PTPRD: variants seen among roughly 807,000 people sequenced by gnomAD.
PTPRD encodes the protein protein tyrosine phosphatase receptor type D.
A neutral mutation model predicts 214.5 loss-of-function variants in PTPRD; 34 were observed. The observed-to-expected ratio is 0.16, with a 90% confidence interval of 0.12 to 0.21. The LOEUF (loss-of-function observed/expected upper bound fraction) is 0.21, where lower values mean the gene tolerates loss of function less well. Among genes scored for constraint, PTPRD ranks in the 10% least tolerant of loss-of-function variants. The pLI, the probability that PTPRD is intolerant of heterozygous loss-of-function variation, is 1.00. For missense variants in PTPRD, 2,545 were observed against 2,398.7 expected (o/e 1.06, Z -1.27); for synonymous variants, 1,128 against 845.7 (o/e 1.33, Z -5.79).
chr9:9,704,831 C>T (rs2097569040), intron 7 of PTPRD, among the ~76,000 whole-genome samples: 2 of 152,176 alleles, frequency 1.3e-5, no homozygotes. Context: ...TTATAGATTC[C>T]AAACGAGTCA....
At position 9,399,492 on chromosome 9, in the gene PTPRD, T is replaced by C. The variant is rs551916861; in HGVS notation, c.-236-2010A>G. Among the ~76,000 whole-genome samples the C allele has an allele frequency of 8.2e-4, 125 of 152,132 alleles. 1 individual carries two copies. Among genetic ancestry groups the C allele is most frequent in the African/African-American group, 2.8e-3 (118 of 41,528 alleles). On this transcript the variant is annotated intron_variant, in intron 8 of 45. Coordinates refer to ENST00000381196, the MANE Select transcript of PTPRD (RefSeq NM_002839.4). The stretch of plus-strand genomic sequence containing the variant: ...TTAAAATGTGCTGGTAAGTCTAGAT[T>C]ATTATTGGACATTTTCCCCTCCAAA...
intron 5 of PTPRD, among the ~76,000 whole-genome samples, chr9:9,832,532 C>T (rs546313926): frequency 2.0e-5 from 3 of 152,022 alleles, no homozygotes; most frequent in East Asian, 1.9e-4. Context: ...CTCCCTCATC[C>T]GACAAAAATG....
At chr9:8,419,234 T>TAAAAAA (rs367987989) in intron 35 of PTPRD, among the ~76,000 whole-genome samples, 4 of 99,620 alleles carry the variant, frequency 4.0e-5, no homozygotes, top group African/African-American at 7.3e-5. Flanking sequence ...TCCAAAAAAT[T>TAAAAAA]AAAAAAAAAA....
intron 5 of PTPRD, among the ~76,000 whole-genome samples, chr9:9,879,769 G>C (rs58401393): frequency 0.028 from 4,212 of 152,208 alleles, 184 homozygotes; most frequent in African/African-American, 0.096. Context: ...GCTTGAAAGG[G>C]TGGAACATTT....
intron 2 of PTPRD, among the ~76,000 whole-genome samples, chr9:10,383,676 C>A: frequency 6.6e-6 from 1 of 151,742 alleles, no homozygotes; most frequent in East Asian, 1.9e-4. Flanking sequence ...TGCACCATTT[C>A]TAAGTAATAA....
chr9:8,908,358 A>G (rs1479551400), intron 11 of PTPRD, among the ~76,000 whole-genome samples: 1 of 152,208 alleles, frequency 6.6e-6, no homozygotes, highest in Non-Finnish European at 1.5e-5. Context: ...AGGAGAAAAT[A>G]AAGTTATTAA....
At chr9:9,526,415 G>T (rs1417373313) in intron 8 of PTPRD, among the ~76,000 whole-genome samples, 30 of 152,070 alleles carry the variant, frequency 2.0e-4, no homozygotes. Flanking sequence ...TTCCAAAGGG[G>T]TTGCACCATG....
intron 9 of PTPRD, among the ~76,000 whole-genome samples, chr9:9,338,424 AT>A (rs1221698794): frequency 6.6e-6 from 1 of 152,214 alleles, no homozygotes; most frequent in Non-Finnish European, 1.5e-5. Flanking sequence ...GAACGAAACT[AT>A]TTTAGAATTT....
At chr9:9,177,881 C>A (rs1484221591) in intron 10 of PTPRD, among the ~76,000 whole-genome samples, 5 of 152,100 alleles carry the variant, frequency 3.3e-5, no homozygotes, top group Admixed American at 1.3e-4. Context: ...TGAAGAGATG[C>A]ACATGCCTAT....
chr9:8,498,018 G>T (rs1165310341), intron 25 of PTPRD, among the ~76,000 whole-genome samples: 1 of 152,046 alleles, frequency 6.6e-6, no homozygotes, highest in Admixed American at 6.6e-5. Flanking sequence ...CTTTTTATAG[G>T]CACTACATAA....
At chr9:9,463,101 CT>C (rs1413048597) in intron 8 of PTPRD, among the ~76,000 whole-genome samples, 2 of 152,032 alleles carry the variant, frequency 1.3e-5, no homozygotes, top group African/African-American at 4.8e-5. Flanking sequence ...GAACAAAAGC[CT>C]TTGTGGCCTC....
intron 3 of PTPRD, among the ~76,000 whole-genome samples, chr9:10,136,371 G>A (rs577892495): frequency 7.9e-5 from 12 of 152,116 alleles, no homozygotes; most frequent in African/African-American, 2.4e-4. Context: ...CTCGACACTT[G>A]ACGAATTGTT....
intron 11 of PTPRD, among the ~76,000 whole-genome samples, chr9:8,993,728 G>T (rs2099386315): frequency 6.6e-6 from 1 of 152,028 alleles, no homozygotes; most frequent in Non-Finnish European, 1.5e-5. Flanking sequence ...CTTTATTCAT[G>T]CAAGTCCTGA....
intron 5 of PTPRD, among the ~76,000 whole-genome samples, chr9:9,911,288 A>C (rs567479963): frequency 6.6e-6 from 1 of 152,230 alleles, no homozygotes; most frequent in Admixed American, 6.5e-5. Flanking sequence ...GACACTTCTT[A>C]TAGCTAAATG....
chr9:9,440,947 G>A (rs1021157567), intron 8 of PTPRD, among the ~76,000 whole-genome samples: 1 of 152,204 alleles, frequency 6.6e-6, no homozygotes, highest in African/African-American at 2.4e-5. Flanking sequence ...GATGGGCAGA[G>A]CGTGAAGTCA....
intron 2 of PTPRD, among the ~76,000 whole-genome samples, chr9:10,595,411 G>C (rs2076389706): frequency 6.6e-6 from 1 of 151,636 alleles, no homozygotes; most frequent in South Asian, 2.1e-4. Flanking sequence ...AAAAATCAGT[G>C]ATAATTCAGT....
intron 11 of PTPRD, among the ~76,000 whole-genome samples, chr9:8,880,547 T>G (rs1025176041): frequency 6.6e-6 from 1 of 152,142 alleles, no homozygotes; most frequent in Non-Finnish European, 1.5e-5. Flanking sequence ...AGGGTGCCTA[T>G]TGGGAGTAAT....
chr9:9,553,189 T>C (rs1296607067), intron 8 of PTPRD, among the ~76,000 whole-genome samples: 1 of 152,058 alleles, frequency 6.6e-6, no homozygotes, highest in African/African-American at 2.4e-5. Flanking sequence ...GTGAAAGCAA[T>C]TGATTGACAG....
At chr9:9,961,359 G>A (rs946463839) in intron 4 of PTPRD, among the ~76,000 whole-genome samples, 1 of 152,112 alleles carries the variant, frequency 6.6e-6, no homozygotes, top group Non-Finnish European at 1.5e-5. Context: ...TGTATTTGCT[G>A]AAACAGTGGT....
Sources: allele counts gnomAD v4.1 joint callset (sites outside exome capture counted in the v4.1 genomes callset), GRCh38; gene constraint gnomAD v4.1.1; transcripts MANE v1.5; gene names NCBI Gene and HGNC (gene_info 2026-07-23, HGNC 2026-07-21).